The following SPTAN1 variants were observed in gnomAD, a reference collection of about 807,000 sequenced individuals.
The protein encoded by SPTAN1 is spectrin alpha, non-erythrocytic 1, also known as spectrin alpha chain, non-erythrocytic 1.
A neutral mutation model predicts 331.3 loss-of-function variants in SPTAN1; 61 were observed. That is an observed-to-expected ratio of 0.18 (90% CI 0.15 to 0.23). The LOEUF is 0.23. SPTAN1 is among the 10% of genes least tolerant of loss of function. The pLI is 1.00. For synonymous variants in SPTAN1, 1,153 were observed against 1,173.9 expected, an observed-to-expected ratio of 0.98 and a Z score of 0.36; for missense variants, 2,043 against 3,147.9, an observed-to-expected ratio of 0.65 and a Z score of 8.40.
rs1345202549 is a variant in SPTAN1 at position 128,577,153 on chromosome 9, G to A, written c.810G>A (p.Trp270Ter). The change falls in exon 7 of 57, where the codon TGG becomes TGA. Residue 270 changes from tryptophan to a stop codon, truncating the protein, a stop_gained. Transcript: ENST00000372739. LOFTEE classifies it high-confidence loss of function. This position sits in a 1 kb window ranked among gnomAD's most constrained non-coding sequence, Gnocchi z 4.2. ...GGGATGTGGATGAGACTATCAGTTG[G>A]ATTAAGGAAAAGGAGCAGTTAATGG... ...FNRDVDETIS[W>*]IKEKEQLMAS... is the part of the protein sequence containing the mutation. The A allele has an allele frequency of 6.2e-7, 1 of 1,614,164 alleles. No homozygotes were observed. The highest frequency in any genetic ancestry group is 8.5e-7 in the Non-Finnish European group (1 of 1,180,042).
At position 128,605,370 on chromosome 9, in the gene SPTAN1, G is replaced by A. The variant is rs1399402958; in HGVS notation, c.3939G>A (p.Lys1313=). ...AGTCAGCAGAAGACCTGCAGGAAAA[G>A]TGCACAGAGTTAAACCAGGCCTGGA... The part of the protein sequence containing the change: ...HPESAEDLQE[K]CTELNQAWSS... The change falls in exon 31 of 57, where the codon AAG becomes AAA. Residue 1313 remains lysine (K), a synonymous_variant. Transcript: ENST00000372739. 1 of 1,614,224 alleles carries A rather than the reference G, an allele frequency of 6.2e-7. No individual in the cohort carries two copies. Among genetic ancestry groups the A allele is most frequent in the South Asian group, 1.1e-5 (1 of 91,086 alleles).
intron 5 of SPTAN1, among the ~76,000 whole-genome samples, chr9:128,576,406 G>A (rs1432377507): frequency 6.6e-6 from 1 of 152,142 alleles, no homozygotes; most frequent in Non-Finnish European, 1.5e-5. Flanking sequence ...TCTAAAGCCA[G>A]GGACAAACTC....
intron 52 of SPTAN1, among the ~76,000 whole-genome samples, chr9:128,631,010 AG>A (rs1442681681): frequency 6.6e-6 from 1 of 151,986 alleles, no homozygotes; most frequent in Non-Finnish European, 1.5e-5. Context: ...CATCTGGCCT[AG>A]TTTTTATATT....
chr9:128,603,645 C>G, intron 28 of SPTAN1, 55 bp downstream of exon 28: 2 of 1,594,424 alleles, frequency 1.3e-6, no homozygotes, highest in South Asian at 2.2e-5. Flanking sequence ...CACTATCTTC[C>G]TTCCCTGTCT....
chr9:128,597,435 G>A (rs993145854), intron 24 of SPTAN1, among the ~76,000 whole-genome samples: 1 of 152,138 alleles, frequency 6.6e-6, no homozygotes, highest in Non-Finnish European at 1.5e-5. Context: ...GAGGTAGGAG[G>A]ATTGCTTGAG....
Position 128,629,188 on chromosome 9 carries a change from G to A in SPTAN1, c.6708-1133G>A, listed in dbSNP as rs1859268910. On this transcript the variant is annotated intron_variant, in intron 51 of 56. Transcript: ENST00000372739. The surrounding 1 kb of genome is among the most constrained non-coding windows in gnomAD (Gnocchi z 4.9). ...AAGTTGGGGATGATCTGTCTGGAAG[G>A]TTTTTCTCCTTATTTCTCTTCTTAC... The A allele has an allele frequency of 5.0e-6, 2 of 398,562 alleles. No individual in the cohort carries two copies. The highest frequency in any genetic ancestry group is 2.5e-4 in the South Asian group (2 of 7,864). 24.7% of individuals were successfully genotyped at this position (398,562 alleles called of 1,614,324 possible). A position where few individuals can be genotyped will look rare whatever the true frequency, so the allele number is the denominator to read the frequency against.
At chr9:128,597,560 G>T (rs912866330) in intron 24 of SPTAN1, among the ~76,000 whole-genome samples, 1 of 152,184 alleles carries the variant, frequency 6.6e-6, no homozygotes, top group African/African-American at 2.4e-5. Context: ...AAGTAAATTT[G>T]AGTCCAATAA....
intron 1 of SPTAN1, chr9:128,553,260 G>A (rs1354276270): frequency 6.6e-6 from 1 of 152,280 alleles, no homozygotes; most frequent in African/African-American, 2.4e-5. Context: ...AATCTCTGCC[G>A]TCTCTCTGAA....
rs1003444400 is a variant in SPTAN1 at position 128,612,264 on chromosome 9, C to G, written c.5043+18C>G. ...TGTCTGAGGTAACACTGAGTGGTTC[C>G]TCTTCCTACCAGTGGGGGATTTCTA... On this transcript the variant is annotated intron_variant, in intron 39 of 56. Coordinates refer to ENST00000372739, the MANE Select transcript of SPTAN1 (RefSeq NM_001130438.3). 1.9e-6 allele frequency: 3 copies of G among 1,614,126 alleles called. No homozygotes were observed. In the East Asian group the frequency reaches 6.7e-5, roughly 36 times the overall value.
intron 18 of SPTAN1, 23 bp downstream of exon 18, chr9:128,584,866 A>T (rs375181223): frequency 1.9e-6 from 3 of 1,614,152 alleles, no homozygotes; most frequent in Admixed American, 1.7e-5. Flanking sequence ...TATCAGTGAC[A>T]TGGCTTGGTG....
intron 21 of SPTAN1, 34 bp downstream of exon 21, chr9:128,588,977 A>G: frequency 6.2e-7 from 1 of 1,612,258 alleles, no homozygotes; most frequent in South Asian, 1.1e-5. Context: ...TGTTTGTTCC[A>G]CGCTGGCACC....
At chr9:128,593,069 C>T (rs1257358466) in intron 23 of SPTAN1, 27 bp downstream of exon 23, 3 of 1,595,552 alleles carry the variant, frequency 1.9e-6, no homozygotes, top group South Asian at 1.1e-5. Flanking sequence ...TCTTGCAGAG[C>T]ACCAATGTCC....
Position 128,607,995 on chromosome 9 carries a change from G to C in SPTAN1, c.4290G>C (p.Leu1430=). The change falls in exon 33 of 57, where the codon CTG becomes CTC. Residue 1430 remains leucine, a synonymous_variant. Coordinates refer to ENST00000372739, the MANE Select transcript of SPTAN1 (RefSeq NM_001130438.3). ...LDILDQERAD[L]EKAWVQRRMM... ...TTCTTGACCAGGAGCGTGCAGACCT[G>C]GAGAAGGCCTGGGTTCAGCGCAGGA... 1 of 1,614,132 alleles carries C rather than the reference G, an allele frequency of 6.2e-7. No individual in the cohort carries two copies. Among genetic ancestry groups the C allele is most frequent in the South Asian group, 1.1e-5 (1 of 91,076 alleles).
At chr9:128,631,834 A>ATCTT in intron 52 of SPTAN1, 1 of 417,192 alleles carries the variant, frequency 2.4e-6, no homozygotes, top group Non-Finnish European at 4.4e-6. Context: ...ATTTATAAAA[A>ATCTT]TCTTTGGCCA....
At position 128,584,415 on chromosome 9, in the gene SPTAN1, G is replaced by A. The variant is rs1247136196; in HGVS notation, c.2327G>A (p.Arg776Gln). The A allele has an allele frequency of 5.6e-6, 9 of 1,614,144 alleles. No individual in the cohort carries two copies. The highest frequency in any genetic ancestry group is 7.6e-6 in the Non-Finnish European group (9 of 1,180,036). The change falls in exon 17 of 57, where the codon CGG (arginine) becomes CAG (glutamine). Residue 776 changes from arginine to glutamine, a missense_variant. By Grantham distance (43) the Arg-to-Gln change is conservative (BLOSUM62 1). Transcript: ENST00000372739. The stretch of plus-strand genomic sequence containing the variant: ...GCACTCAAGGAGCCCATGGTTGCCC[G>A]GAAGCAGAAGCTGGCCGATTCTCTG... Reference protein sequence around the residue: ...YEALKEPMVARKQKLADSLRL... With the variant: ...YEALKEPMVAQKQKLADSLRL...
At chr9:128,605,271 C>T in intron 30 of SPTAN1, 25 bp from the exon 31 acceptor site, 2 of 1,614,174 alleles carry the variant, frequency 1.2e-6, no homozygotes, top group Non-Finnish European at 1.7e-6. Context: ...TTACTGCAAG[C>T]TCATTCACCA....
intron 45 of SPTAN1, 127 bp from the exon 46 acceptor site, chr9:128,624,201 T>G (rs1378270684): frequency 1.9e-6 from 2 of 1,055,586 alleles, no homozygotes; most frequent in African/African-American, 3.1e-5. Flanking sequence ...CTATCATTGT[T>G]TACCCAGCAG....
At chr9:128,603,710 T>C (rs2131548197) in intron 28 of SPTAN1, 120 bp downstream of exon 28, 3 of 1,255,278 alleles carry the variant, frequency 2.4e-6, no homozygotes, top group Middle Eastern at 2.0e-4. Context: ...TCTCACTCTA[T>C]TGGGTCCAAG....
intron 1 of SPTAN1, among the ~76,000 whole-genome samples, chr9:128,563,948 A>G (rs1237275157): frequency 6.6e-6 from 1 of 151,892 alleles, no homozygotes; most frequent in Non-Finnish European, 1.5e-5. Flanking sequence ...TATTCAACCA[A>G]CATTTCTTGA....
Sources: allele counts gnomAD v4.1 joint callset (sites outside exome capture counted in the v4.1 genomes callset), GRCh38; gene constraint gnomAD v4.1.1; non-coding constraint Gnocchi (gnomAD v3.1); transcripts MANE v1.5; gene names NCBI Gene and HGNC (gene_info 2026-07-23, HGNC 2026-07-21).